MACROD2: variants seen among roughly 807,000 people sequenced by gnomAD.
MACROD2 encodes mono-ADP ribosylhydrolase 2, also known as ADP-ribose glycohydrolase MACROD2.
MACROD2 carries 36 observed loss-of-function variants against 70.4 expected under a neutral mutation model. That is an observed-to-expected ratio of 0.51 (90% CI 0.39 to 0.68). The LOEUF is 0.68. Among genes scored for constraint, MACROD2 ranks in the 30% least tolerant of loss-of-function variants. The pLI, the probability that MACROD2 is intolerant of heterozygous loss-of-function variation, is 0.00. For synonymous variants in MACROD2, 172 were observed against 178.8 expected, an observed-to-expected ratio of 0.96 and a Z score of 0.30; for missense variants, 496 against 538.4, an observed-to-expected ratio of 0.92 and a Z score of 0.78.
chr20:14,720,536 C>CTTTTTTTTTTTTTTTTTTTT lies in MACROD2; in HGVS notation c.418+35592_418+35611dup, dbSNP rs753673265. On this transcript the variant is annotated intron_variant, in intron 5 of 17. Transcript: ENST00000684519. ...GTTTCATTTCCCAGCTGCCCCACAA[C>CTTTTTTTTTTTTTTTTTTTT]TTTTTTTTTTTTTTTTTTTTTTTTT... Among the ~76,000 whole-genome samples, 16 of 35,944 alleles carry CTTTTTTTTTTTTTTTTTTTT rather than the reference C, an allele frequency of 4.5e-4. 2 individuals are homozygous for CTTTTTTTTTTTTTTTTTTTT. Among genetic ancestry groups the CTTTTTTTTTTTTTTTTTTTT allele is most frequent in the Non-Finnish European group, 6.3e-4 (13 of 20,778 alleles). 23.6% of individuals were successfully genotyped at this position (35,944 alleles called of 152,430 possible).
chr20:15,219,465 A>T (rs17368624), intron 5 of MACROD2, among the ~76,000 whole-genome samples: 24,144 of 152,258 alleles, frequency 0.16, 2,458 homozygotes, highest in Non-Finnish European at 0.24. Context: ...GTCCACCAAC[A>T]CTTTGTTCAT....
chr20:15,947,799 T>C (rs1484616470), intron 12 of MACROD2, among the ~76,000 whole-genome samples: 1 of 152,190 alleles, frequency 6.6e-6, no homozygotes, highest in Non-Finnish European at 1.5e-5. Flanking sequence ...GAGCCTTGCA[T>C]AAAATTAGAG....
Position 15,843,228 on chromosome 20 carries a change from C to T in MACROD2, c.646-19517C>T, listed in dbSNP as rs116640693. Among the ~76,000 whole-genome samples the T allele has an allele frequency of 8.4e-3, 1,276 of 152,266 alleles. 8 individuals carry two copies. Among genetic ancestry groups the T allele is most frequent in the African/African-American group, 0.021 (863 of 41,564 alleles). On this transcript the variant is annotated intron_variant, in intron 8 of 17. Transcript: ENST00000684519. ...TATATGCATTTATCATCACCATTTC[C>T]CTATTCTTATTAACTGACTGGGTTA...
At chr20:15,490,169 CCT>C (rs1568844430) in intron 7 of MACROD2, among the ~76,000 whole-genome samples, 2 of 102,580 alleles carry the variant, frequency 1.9e-5, no homozygotes, top group African/African-American at 7.7e-5. Flanking sequence ...CTTCCTTCCT[CCT>C]TTCCTTCCTT....
chr20:15,259,081 G>A (rs1024293207), intron 6 of MACROD2, among the ~76,000 whole-genome samples: 1 of 151,928 alleles, frequency 6.6e-6, no homozygotes, highest in Non-Finnish European at 1.5e-5. Context: ...TGGTAGGTTG[G>A]ACAAAGCTCA....
At chr20:15,244,806 C>G (rs906128926) in intron 6 of MACROD2, among the ~76,000 whole-genome samples, 1 of 152,160 alleles carries the variant, frequency 6.6e-6, no homozygotes. Context: ...TAAAGGCACA[C>G]TCTGCAAACA....
At chr20:15,282,350 G>A (rs576263233) in intron 6 of MACROD2, among the ~76,000 whole-genome samples, 1 of 152,242 alleles carries the variant, frequency 6.6e-6, no homozygotes, top group Admixed American at 6.5e-5. Context: ...CGTATTGTCA[G>A]GCTGCAAATT....
At chr20:15,218,237 T>A (rs1258730575) in intron 5 of MACROD2, among the ~76,000 whole-genome samples, 1 of 152,216 alleles carries the variant, frequency 6.6e-6, no homozygotes, top group Non-Finnish European at 1.5e-5. Flanking sequence ...TTTCCCTATT[T>A]CTGTTACTAA....
chr20:15,353,162 T>C (rs4389379), intron 6 of MACROD2, among the ~76,000 whole-genome samples: 90,469 of 147,748 alleles, frequency 0.61, 27,645 homozygotes, highest in East Asian at 0.74. Context: ...GAGATATAGA[T>C]CAATGGAACA....
At chr20:14,842,533 A>G (rs935379417) in intron 5 of MACROD2, among the ~76,000 whole-genome samples, 2 of 152,114 alleles carry the variant, frequency 1.3e-5, no homozygotes, top group Non-Finnish European at 2.9e-5. Flanking sequence ...GGAAATATAA[A>G]GTGTATGCTA....
At chr20:14,737,671 T>C (rs1232759982) in intron 5 of MACROD2, among the ~76,000 whole-genome samples, 1 of 152,228 alleles carries the variant, frequency 6.6e-6, no homozygotes, top group Non-Finnish European at 1.5e-5. Flanking sequence ...TGGTGTCTCA[T>C]TGTGGTTTTG....
chr20:15,327,097 A>G (rs1422516655), intron 6 of MACROD2, among the ~76,000 whole-genome samples: 1 of 152,186 alleles, frequency 6.6e-6, no homozygotes, highest in Non-Finnish European at 1.5e-5. Flanking sequence ...TGAAGAAATC[A>G]TAAATGTTTG....
rs1335566093 is a variant in MACROD2, at chr20:14,153,049, C to G, written c.271+67321C>G. ...ATTAAATGTTATTATAGATAGATGTCAATAATCAACTCTTCATTTTCTGAT... is the reference window on the plus strand; with the variant it reads ...ATTAAATGTTATTATAGATAGATGTGAATAATCAACTCTTCATTTTCTGAT... On this transcript the variant is annotated intron_variant, in intron 3 of 17. Transcript: ENST00000684519. Among the ~76,000 whole-genome samples the G allele has an allele frequency of 3.3e-5, 5 of 152,108 alleles. 1 individual carries two copies. In the South Asian group the frequency reaches 1.0e-3, roughly 32 times the overall value.
chr20:14,861,888 A>G (rs1328364998), intron 5 of MACROD2, among the ~76,000 whole-genome samples: 1 of 139,014 alleles, frequency 7.2e-6, no homozygotes, highest in African/African-American at 2.7e-5. Context: ...GGATGTACAT[A>G]CTTATGGTAT....
intron 8 of MACROD2, among the ~76,000 whole-genome samples, chr20:15,724,002 G>A (rs12106137): frequency 0.086 from 13,049 of 152,026 alleles, 716 homozygotes; most frequent in East Asian, 0.18. Flanking sequence ...TGGTATTTCA[G>A]GATTTTATTT....
rs188519367 is a variant in MACROD2 at position 15,090,961 on chromosome 20, C to T, written c.419-138979C>T. Among the ~76,000 whole-genome samples, 7 of 152,078 alleles carry T rather than the reference C, an allele frequency of 4.6e-5. No homozygotes were observed. In the East Asian group the frequency reaches 1.2e-3, roughly 25 times the overall value. On this transcript the variant is annotated intron_variant, in intron 5 of 17. Transcript: ENST00000684519. ...AGGGCTTTCTCTAATCAATGGAGTC[C>T]ACCTAGACCTAGCATAATGAAGAAA...
At chr20:15,748,330 G>A (rs368081559) in intron 8 of MACROD2, among the ~76,000 whole-genome samples, 1 of 151,752 alleles carries the variant, frequency 6.6e-6, no homozygotes, top group Admixed American at 6.6e-5. Flanking sequence ...GTCCACAATC[G>A]CTCAAGAAAT....
chr20:15,532,655 C>G (rs909337317), intron 8 of MACROD2, among the ~76,000 whole-genome samples: 1 of 127,558 alleles, frequency 7.8e-6, no homozygotes, highest in African/African-American at 4.0e-5. Context: ...CAAAATAAAC[C>G]AAAAAATAAG....
At chr20:14,550,771 C>T (rs1198918477) in intron 4 of MACROD2, among the ~76,000 whole-genome samples, 2 of 152,170 alleles carry the variant, frequency 1.3e-5, no homozygotes, top group Non-Finnish European at 2.9e-5. Context: ...GGAAAAGTAT[C>T]TGATCATAGT....
Sources: gnomAD v4.1 joint callset for allele counts (sites outside exome capture counted in the v4.1 genomes callset) on GRCh38, gnomAD v4.1.1 for gene constraint, MANE v1.5 for transcripts, NCBI Gene and HGNC (gene_info 2026-07-23, HGNC 2026-07-21) for gene names.